CFH: variants seen among roughly 807,000 people sequenced by gnomAD.
The protein encoded by CFH is H factor 1 (complement).
Under a neutral mutation model 147.3 loss-of-function variants are expected in CFH, and 53 were observed. The ratio of observed to expected loss-of-function variants is 0.36; its 90% CI spans 0.29 to 0.45. CFH has a LOEUF of 0.45. CFH is among the 20% of genes least tolerant of loss of function. CFH has a pLI of 1.00. For synonymous variants in CFH, 536 were observed against 489.4 expected (o/e 1.10, Z -1.26); for missense variants, 1,380 against 1,498.0 (o/e 0.92, Z 1.30).
rs1390504982 is a variant in CFH at position 196,728,369 on chromosome 1, A to G, written c.2260A>G (p.Lys754Glu). The G allele has an allele frequency of 4.5e-6, 7 of 1,555,036 alleles. No homozygotes were observed. In the Admixed American group the frequency reaches 1.2e-4, roughly 27 times the overall value. Residue 754 changes from lysine (K) to glutamate (E), a missense_variant, in exon 15 of 22, where the codon AAA becomes GAA. Lys to Glu is a moderately conservative substitution (Grantham distance 56, BLOSUM62 1). Transcript: ENST00000367429. ...AGCAATAGATAAACTTAAGAAGTGC[A>G]AATCATCAAATTTAATTATACTTGA... is the stretch of plus-strand genomic sequence containing the variant. The part of the protein sequence containing the change: ...CVAIDKLKKC[K>E]SSNLIILEEH...
intron 9 of CFH, among the ~76,000 whole-genome samples, chr1:196,701,937 T>C (rs1668466816): frequency 6.6e-6 from 1 of 152,188 alleles, no homozygotes. Flanking sequence ...TGCATGGTTC[T>C]CATGCTTACA....
chr1:196,717,876 C>T (rs1458868775), intron 11 of CFH, among the ~76,000 whole-genome samples: 6 of 151,992 alleles, frequency 3.9e-5, no homozygotes, highest in Admixed American at 2.0e-4. Context: ...AACAGGACTG[C>T]TTACAACTTT....
At chr1:196,726,989 A>T (rs760864564) in intron 14 of CFH, 49 bp downstream of exon 14, 39 of 1,538,584 alleles carry the variant, frequency 2.5e-5, no homozygotes, top group Admixed American at 3.3e-5. Flanking sequence ...TAATATTTTT[A>T]TTGTAACAAC....
rs567641641 is a variant in CFH, at chr1:196,690,390, G to A, written c.1336+151G>A. 3.9e-6 allele frequency: 4 copies of A among 1,038,250 alleles called. No individual in the cohort carries two copies. The Admixed American group carries it at 7.4e-5, about 19-fold the overall frequency. The allele number at this position is 1,038,250 out of a possible 1,614,324, so 64.3% of individuals were successfully genotyped here. ...ATTTAGTTTTTGGTTTTTCAACTGT[G>A]TATAAATGAATATACAAATTTCTTG... On this transcript the variant is annotated intron_variant, in intron 9 of 21. Coordinates refer to ENST00000367429, the MANE Select transcript of CFH (RefSeq NM_000186.4).
chr1:196,700,752 C>A, intron 9 of CFH: 1 of 911,080 alleles, frequency 1.1e-6, no homozygotes, highest in Non-Finnish European at 1.3e-6. Flanking sequence ...CTGGGGCTGA[C>A]CCAGAGAGAA....
intron 1 of CFH, among the ~76,000 whole-genome samples, chr1:196,655,245 G>T (rs1044550597): frequency 5.9e-5 from 9 of 152,156 alleles, no homozygotes; most frequent in African/African-American, 2.2e-4. Context: ...AGTGATTCTG[G>T]AAGATGGGGT....
chr1:196,690,822 A>G (rs1667997277), intron 9 of CFH, among the ~76,000 whole-genome samples: 1 of 152,050 alleles, frequency 6.6e-6, no homozygotes, highest in Non-Finnish European at 1.5e-5. Flanking sequence ...TGGCCGCCCC[A>G]CCCTAATCTT....
At chr1:196,726,302 T>C (rs574896516) in intron 12 of CFH, among the ~76,000 whole-genome samples, 168 bp from the exon 13 acceptor site, 1 of 152,328 alleles carries the variant, frequency 6.6e-6, no homozygotes, top group South Asian at 2.1e-4. Context: ...TATGACAATT[T>C]AGTATAAGTA....
chr1:196,666,420 A>T (rs1450192037), intron 1 of CFH, among the ~76,000 whole-genome samples: 1 of 152,066 alleles, frequency 6.6e-6, no homozygotes, highest in African/African-American at 2.4e-5. Context: ...ATTTTAACAT[A>T]TATTTCCATT....
intron 7 of CFH, among the ~76,000 whole-genome samples, chr1:196,687,487 G>A (rs34853086): frequency 0.019 from 2,887 of 151,704 alleles, 30 homozygotes; most frequent in African/African-American, 0.026. Context: ...AAGAAATCTC[G>A]GTGGACAATT....
chr1:196,693,841 G>C (rs1482894800), intron 9 of CFH, among the ~76,000 whole-genome samples: 1 of 151,846 alleles, frequency 6.6e-6, no homozygotes, highest in Non-Finnish European at 1.5e-5. Context: ...CATTTGCATT[G>C]TTTTTGGCAT....
intron 7 of CFH, among the ~76,000 whole-genome samples, chr1:196,687,047 T>C (rs1406984164): frequency 6.6e-6 from 1 of 152,072 alleles, no homozygotes; most frequent in Non-Finnish European, 1.5e-5. Context: ...CAGTTCAGCA[T>C]TCAAAGAGAC....
chr1:196,689,406 A>T lies in CFH; in HGVS notation c.965-14A>T, dbSNP rs28397680. ...AAAATTTCTTTATACTTTTTTTAAA[A>T]TTTTTATTGCAAGTGAAACCTTGTG... On this transcript the variant is annotated splice_polypyrimidine_tract_variant and intron_variant, in intron 7 of 21. Coordinates refer to ENST00000367429, the MANE Select transcript of CFH (RefSeq NM_000186.4). 6.2e-7 allele frequency: 1 copy of T among 1,609,180 alleles called. No individual in the cohort carries two copies. Among genetic ancestry groups the T allele is most frequent in the Non-Finnish European group, 8.5e-7 (1 of 1,177,708 alleles).
intron 6 of CFH, 122 bp downstream of exon 6, chr1:196,679,915 A>G: frequency 1.1e-6 from 1 of 894,314 alleles, no homozygotes; most frequent in Non-Finnish European, 1.7e-6. Flanking sequence ...AAACTATTAT[A>G]AAAAACATAT....
chr1:196,676,475 C>G (rs546699588), intron 4 of CFH, among the ~76,000 whole-genome samples: 1 of 152,080 alleles, frequency 6.6e-6, no homozygotes, highest in South Asian at 2.1e-4. Flanking sequence ...ATTGAGACCT[C>G]CCACTAAGGG....
chr1:196,736,083 A>C (rs1185724140), intron 15 of CFH, among the ~76,000 whole-genome samples: 2 of 152,066 alleles, frequency 1.3e-5, no homozygotes, highest in Non-Finnish European at 2.9e-5. Flanking sequence ...ATTATGAAAA[A>C]ATGAGATATT....
rs776219612 is a variant in CFH, at chr1:196,713,764, G to A, written c.1366G>A (p.Glu456Lys). Residue 456 changes from glutamate to lysine, a missense_variant, in exon 10 of 22, where the codon GAG becomes AAG. By Grantham distance (56) the Glu-to-Lys change is moderately conservative. This residue lies in a region of CFH where 830 missense variants were observed against 821.4 expected (regional missense o/e 1.01). Transcript: ENST00000367429. ...ATGTTCCAAATCAAGTATAGATATT[G>A]AGAATGGGTTTATTTCTGAATCTCA... ...KTCSKSSIDIENGFISESQYT... is the reference protein window; with the variant it reads ...KTCSKSSIDIKNGFISESQYT... 6 of 1,599,046 alleles carry A rather than the reference G, an allele frequency of 3.8e-6. No homozygotes were observed. The South Asian group carries it at 5.5e-5, about 15-fold the overall frequency.
chr1:196,701,353 C>T lies in CFH; in HGVS notation c.1336+11114C>T, dbSNP rs771899135. The T allele has an allele frequency of 1.1e-5, 17 of 1,613,604 alleles. No homozygotes were observed. The East Asian group carries it at 3.3e-4, about 32-fold the overall frequency. On this transcript the variant is annotated intron_variant, in intron 9 of 21. Transcript: ENST00000367429. ...CTGAACTTCTGATCGAAGGTCATCC[C>T]TCTCCAGCTTGAGTGGATCAAAGAT...
chr1:196,694,712 G>T (rs76443425), intron 9 of CFH, among the ~76,000 whole-genome samples: 2 of 152,184 alleles, frequency 1.3e-5, no homozygotes, highest in African/African-American at 2.4e-5. Flanking sequence ...GGCGTGAATT[G>T]GTTTCTCATT....
Sources: allele counts gnomAD v4.1 joint callset (sites outside exome capture counted in the v4.1 genomes callset), GRCh38; gene constraint gnomAD v4.1.1; regional missense constraint gnomAD v4.1.1; transcripts MANE v1.5; gene names NCBI Gene and HGNC (gene_info 2026-07-23, HGNC 2026-07-21).